The following C6 variants were observed in gnomAD, a reference collection of about 807,000 sequenced individuals.
C6 encodes complement C6, also known as complement component C6.
Under a neutral mutation model 112.9 loss-of-function variants are expected in C6, and 101 were observed. The observed-to-expected ratio is 0.89, with a 90% CI of 0.76 to 1.06. The LOEUF (loss-of-function observed/expected upper bound fraction) is 1.06. Ranked by LOEUF, C6 falls within the 50% of genes least tolerant of loss-of-function variation. C6 has a pLI of 0.00. For synonymous variants in C6, 431 were observed against 384.1 expected, an observed-to-expected ratio of 1.12 and a Z score of -1.43; for missense variants, 1,202 against 1,104.6, an observed-to-expected ratio of 1.09 and a Z score of -1.25.
chr5:41,190,040 T>G (rs959815053), intron 5 of C6, among the ~76,000 whole-genome samples: 1 of 152,228 alleles, frequency 6.6e-6, no homozygotes, highest in African/African-American at 2.4e-5. Flanking sequence ...TTCCATATGT[T>G]GGTTATTGTG....
intron 6 of C6, among the ~76,000 whole-genome samples, chr5:41,185,352 T>G (rs1749686683): frequency 6.6e-6 from 1 of 152,162 alleles, no homozygotes; most frequent in Non-Finnish European, 1.5e-5. Context: ...ACCCATAAAG[T>G]GGTTCTCAGA....
intron 4 of C6, among the ~76,000 whole-genome samples, chr5:41,198,263 A>G (rs1750755151): frequency 1.3e-5 from 2 of 152,192 alleles, no homozygotes; most frequent in African/African-American, 4.8e-5. Flanking sequence ...TTGAGAGCCA[A>G]GTATCATCTT....
At chr5:41,243,254 C>T (rs1310040578) in intron 1 of C6, among the ~76,000 whole-genome samples, 2 of 152,168 alleles carry the variant, frequency 1.3e-5, no homozygotes, top group African/African-American at 4.8e-5. Flanking sequence ...TAAATCATAA[C>T]ATCACTTTAC....
chr5:41,183,206 T>A (rs563624258), intron 6 of C6, among the ~76,000 whole-genome samples: 6 of 152,198 alleles, frequency 3.9e-5, no homozygotes, highest in Non-Finnish European at 7.3e-5. Context: ...ATAATACAGA[T>A]CCAATAGATG....
intron 1 of C6, chr5:41,261,185 A>AT: frequency 1.0e-6 from 1 of 985,792 alleles, no homozygotes; most frequent in South Asian, 4.7e-5. Context: ...AAAAAAGTAG[A>AT]AAACTTACTA....
chr5:41,159,272 C>G lies in C6; in HGVS notation c.1685-19G>C. The G allele has an allele frequency of 6.2e-7, 1 of 1,611,356 alleles. No individual in the cohort carries two copies. Among genetic ancestry groups the G allele is most frequent in the Non-Finnish European group, 8.5e-7 (1 of 1,178,654 alleles). On this transcript the variant is annotated intron_variant, in intron 11 of 17. Coordinates refer to ENST00000337836, the MANE Select transcript of C6 (RefSeq NM_000065.5). ...ACTGCATCTGGAACAAAGGAAGACT[C>G]ACTCCCATGGATCATGGTGCAGCTG...
chr5:41,156,387 G>A (rs1433791665), intron 13 of C6, among the ~76,000 whole-genome samples: 4 of 152,082 alleles, frequency 2.6e-5, no homozygotes, highest in Non-Finnish European at 4.4e-5. Flanking sequence ...TGTTTATCAC[G>A]TTTATCAGCC....
At chr5:41,167,804 AG>A (rs1297491281) in intron 9 of C6, among the ~76,000 whole-genome samples, 1 of 152,160 alleles carries the variant, frequency 6.6e-6, no homozygotes, top group Non-Finnish European at 1.5e-5. Context: ...GAAGCTTGGG[AG>A]GAAGAATGGT....
At chr5:41,190,310 G>A (rs1035532870) in intron 5 of C6, among the ~76,000 whole-genome samples, 1 of 152,144 alleles carries the variant, frequency 6.6e-6, no homozygotes, top group Non-Finnish European at 1.5e-5. Flanking sequence ...CATTTCAACT[G>A]TAGTGAGATG....
intron 1 of C6, 126 bp from the exon 2 acceptor site, chr5:41,203,376 C>CAGAA: frequency 2.3e-6 from 2 of 854,564 alleles, no homozygotes; most frequent in South Asian, 1.5e-5. Flanking sequence ...TTCCTTAAGG[C>CAGAA]AAGTCAACAC....
intron 5 of C6, among the ~76,000 whole-genome samples, chr5:41,188,037 T>A (rs886105561): frequency 6.6e-6 from 1 of 152,216 alleles, no homozygotes; most frequent in Non-Finnish European, 1.5e-5. Flanking sequence ...TATAATAGCC[T>A]CTCAAAGAAT....
At chr5:41,152,182 AC>A (rs1251902049) in intron 15 of C6, among the ~76,000 whole-genome samples, 4 of 152,162 alleles carry the variant, frequency 2.6e-5, no homozygotes, top group Non-Finnish European at 5.9e-5. Flanking sequence ...GAGACCACAT[AC>A]CATAAAGACT....
At chr5:41,225,809 C>T (rs1248121277) in intron 1 of C6, among the ~76,000 whole-genome samples, 2 of 152,152 alleles carry the variant, frequency 1.3e-5, no homozygotes, top group African/African-American at 2.4e-5. Context: ...ATATCTACAA[C>T]TATCTGATCT....
Position 41,142,576 on chromosome 5 carries a change from G to A in C6, c.*249C>T, listed in dbSNP as rs1465160833. ...TTATTTTTGTACAATGTGAACAGGA[G>A]AATTTACGAGACTGCTGTGGAAGTT... On this transcript the variant is annotated 3_prime_UTR_variant, in exon 18 of 18. Coordinates refer to ENST00000337836, the MANE Select transcript of C6 (RefSeq NM_000065.5). 3 of 538,630 alleles carry A rather than the reference G, an allele frequency of 5.6e-6. No individual in the cohort carries two copies. The highest frequency in any genetic ancestry group is 1.0e-5 in the Non-Finnish European group (3 of 297,762). 33.4% of individuals were successfully genotyped at this position (538,630 alleles called of 1,614,324 possible).
At chr5:41,167,440 G>A (rs2150289511) in intron 9 of C6, among the ~76,000 whole-genome samples, 1 of 152,206 alleles carries the variant, frequency 6.6e-6, no homozygotes, top group African/African-American at 2.4e-5. Context: ...GAGAATGGGG[G>A]AATATTGGAC....
chr5:41,191,335 C>A lies in C6; in HGVS notation c.587+4457G>T, dbSNP rs916354814. 7.9e-5 allele frequency among the ~76,000 whole-genome samples: 12 copies of A among 152,096 alleles called. 1 individual carries two copies. In the South Asian group the frequency reaches 2.5e-3, roughly 32 times the overall value. ...CCGCCTCGGCCTCCCAAAGTGCTGG[C>A]ACAGGCATGAGCCAGCACTCCAGGC... is the stretch of plus-strand genomic sequence containing the variant. On this transcript the variant is annotated intron_variant, in intron 5 of 17. Transcript: ENST00000337836.
At chr5:41,204,256 T>G (rs1212714277) in intron 1 of C6, among the ~76,000 whole-genome samples, 2 of 152,238 alleles carry the variant, frequency 1.3e-5, no homozygotes, top group Non-Finnish European at 2.9e-5. Flanking sequence ...ACCTACCTCA[T>G]AAAGCTTTTG....
chr5:41,176,310 T>A (rs1748839499), intron 8 of C6, among the ~76,000 whole-genome samples, 165 bp downstream of exon 8: 1 of 152,202 alleles, frequency 6.6e-6, no homozygotes. Context: ...TCTATTTTTG[T>A]TTTATTTATT....
At chr5:41,166,645 A>G (rs1051825601) in intron 9 of C6, among the ~76,000 whole-genome samples, 1 of 152,094 alleles carries the variant, frequency 6.6e-6, no homozygotes, top group Non-Finnish European at 1.5e-5. Flanking sequence ...CATACTGTGG[A>G]GGAAATAGAA....
Sources: gnomAD v4.1 joint callset for allele counts (sites outside exome capture counted in the v4.1 genomes callset) on GRCh38, gnomAD v4.1.1 for gene constraint, MANE v1.5 for transcripts, NCBI Gene and HGNC (gene_info 2026-07-23, HGNC 2026-07-21) for gene names.